Variants in COL10A1 observed in about 807,000 individuals in gnomAD.
COL10A1 encodes collagen alpha-1(X) chain.
Under a neutral mutation model 18.2 loss-of-function variants are expected in COL10A1, and 10 were observed. The observed-to-expected ratio is 0.55, with a 90% CI of 0.34 to 0.93. The LOEUF (loss-of-function observed/expected upper bound fraction) is 0.93. Ranked by LOEUF, COL10A1 falls within the 40% of genes least tolerant of loss-of-function variation. The probability of loss-of-function intolerance (pLI) is 0.02; values close to 1 mark genes in which losing one functional copy is unlikely to be tolerated. For synonymous variants in COL10A1, 330 were observed against 316.6 expected (o/e 1.04, Z -0.45); for missense variants, 897 against 853.5 (o/e 1.05, Z -0.64).
chr6:116,119,368 A>G lies in COL10A1; in HGVS notation c.*705T>C, dbSNP rs539461827. 6.6e-6 allele frequency: 1 copy of G among 152,566 alleles called. No individual in the cohort carries two copies. Among genetic ancestry groups the G allele is most frequent in the Admixed American group, 6.5e-5 (1 of 15,306 alleles). 9.5% of individuals were successfully genotyped at this position (152,566 alleles called of 1,614,324 possible). A position where few individuals can be genotyped will look rare whatever the true frequency, so the allele number is the denominator to read the frequency against. On this transcript the variant is annotated 3_prime_UTR_variant, in exon 3 of 3. Coordinates refer to ENST00000651968, the MANE Select transcript of COL10A1 (RefSeq NM_000493.4). ...CCTGTTTCCAAGTTATGCTGGGTAT[A>G]TAAAAAGCTTCTCTGCAATCATAGA... is the stretch of plus-strand genomic sequence containing the variant.
intron 1 of COL10A1, among the ~76,000 whole-genome samples, chr6:116,143,286 T>C (rs960657999): frequency 2.6e-5 from 4 of 152,066 alleles, no homozygotes; most frequent in Non-Finnish European, 5.9e-5. Flanking sequence ...TTTTGGCTCA[T>C]TGCAACCTCC....
the COL10A1 span, among the ~76,000 whole-genome samples, chr6:116,170,967 T>G: frequency 6.6e-6 from 1 of 152,170 alleles, no homozygotes; most frequent in Non-Finnish European, 1.5e-5. Flanking sequence ...GACCTGCCCA[T>G]TCCTCCTCTG....
upstream of COL10A1, among the ~76,000 whole-genome samples, chr6:116,130,127 A>C (rs1779424701): frequency 1.3e-5 from 2 of 152,126 alleles, no homozygotes; most frequent in Admixed American, 1.3e-4. Flanking sequence ...TTTATTTATT[A>C]GCTAGGATAT....
At chr6:116,143,524 T>G (rs983838771) in intron 1 of COL10A1, among the ~76,000 whole-genome samples, 2 of 152,178 alleles carry the variant, frequency 1.3e-5, no homozygotes, top group Non-Finnish European at 2.9e-5. Context: ...TCCCACCTCT[T>G]TAATTGTTTT....
the COL10A1 span, among the ~76,000 whole-genome samples, chr6:116,172,361 G>T: frequency 8.8e-6 from 1 of 113,796 alleles, no homozygotes; most frequent in East Asian, 2.6e-4. Context: ...TCGCTCTGTT[G>T]CCCAGGCTGG....
the COL10A1 span, among the ~76,000 whole-genome samples, chr6:116,212,842 ATACT>A: frequency 6.6e-6 from 1 of 152,128 alleles, no homozygotes; most frequent in African/African-American, 2.4e-5. Context: ...TTTGCTTTAA[ATACT>A]TGTTAATTTT....
upstream of COL10A1, among the ~76,000 whole-genome samples, chr6:116,129,269 A>C (rs755288126): frequency 1.3e-5 from 2 of 152,230 alleles, no homozygotes; most frequent in African/African-American, 4.8e-5. Context: ...AAACACATAC[A>C]TACATATCCA....
intron 1 of COL10A1, among the ~76,000 whole-genome samples, chr6:116,147,448 G>GA (rs556565182): frequency 3.1e-3 from 436 of 138,854 alleles, no homozygotes; most frequent in Admixed American, 4.9e-3. Context: ...TCTCAAAAAA[G>GA]AAAAAAAAAA....
chr6:116,160,080 G>A (rs1326270409), upstream of COL10A1, among the ~76,000 whole-genome samples: 1 of 152,102 alleles, frequency 6.6e-6, no homozygotes, highest in Non-Finnish European at 1.5e-5. Flanking sequence ...AAACATATAA[G>A]TACAGGTATC....
the COL10A1 span, among the ~76,000 whole-genome samples, chr6:116,200,097 A>G: frequency 6.6e-6 from 1 of 151,976 alleles, no homozygotes; most frequent in Non-Finnish European, 1.5e-5. Context: ...AATAGTATAT[A>G]CCCTTAATAT....
chr6:116,136,824 A>T (rs575597199), intron 1 of COL10A1, among the ~76,000 whole-genome samples: 1 of 152,344 alleles, frequency 6.6e-6, no homozygotes, highest in African/African-American at 2.4e-5. Flanking sequence ...TCAGATTCAG[A>T]TACGAAACAG....
intron 1 of COL10A1, among the ~76,000 whole-genome samples, chr6:116,138,883 G>T (rs868566853): frequency 1.3e-5 from 2 of 152,002 alleles, no homozygotes; most frequent in Non-Finnish European, 2.9e-5. Context: ...TCTTGCTTTT[G>T]GTTTGATTTC....
chr6:116,183,580 G>A, the COL10A1 span, among the ~76,000 whole-genome samples: 1 of 151,802 alleles, frequency 6.6e-6, no homozygotes, highest in Non-Finnish European at 1.5e-5. Context: ...GCAATGTTTT[G>A]TAGTTTTCCT....
At chr6:116,122,054 G>A (rs1779148448) in intron 2 of COL10A1, 93 bp from the exon 3 acceptor site, 3 of 1,058,932 alleles carry the variant, frequency 2.8e-6, no homozygotes, top group East Asian at 2.4e-5. Flanking sequence ...ATTGGGACAC[G>A]ATATTTCAGC....
the COL10A1 span, among the ~76,000 whole-genome samples, chr6:116,167,994 T>C: frequency 2.6e-5 from 4 of 152,142 alleles, no homozygotes; most frequent in African/African-American, 9.6e-5. Context: ...TCAGTATAAT[T>C]GTTCTTTAAA....
chr6:116,125,772 G>T (rs942335593), intron 1 of COL10A1: 1 of 316,450 alleles, frequency 3.2e-6, no homozygotes, highest in Non-Finnish European at 6.0e-6. Context: ...AGGATTGGAT[G>T]TCTGTATTAA....
the COL10A1 span, among the ~76,000 whole-genome samples, chr6:116,186,930 G>T: frequency 6.6e-6 from 1 of 151,966 alleles, no homozygotes; most frequent in Non-Finnish European, 1.5e-5. Flanking sequence ...TCTTTTGGGG[G>T]TGTTAACCAT....
upstream of COL10A1, among the ~76,000 whole-genome samples, chr6:116,131,055 A>G (rs978241698): frequency 1.3e-5 from 2 of 152,046 alleles, no homozygotes; most frequent in African/African-American, 4.8e-5. Context: ...GCTCTTTTTA[A>G]ATTTAATTTG....
In COL10A1 at chr6:116,120,375, G is replaced by A. The variant is rs1161571454; in HGVS notation, c.1741C>T (p.His581Tyr). 1.9e-6 allele frequency: 3 copies of A among 1,614,206 alleles called. No individual in the cohort carries two copies. The South Asian group carries it at 3.3e-5, about 18-fold the overall frequency. Residue 581 changes from histidine (H) to tyrosine (Y), a missense_variant, in exon 3 of 3, where the codon CAT becomes TAT. His to Tyr is a moderately conservative substitution (Grantham distance 83). Transcript: ENST00000651968. The part of the protein sequence containing the change: ...FDKILYNRQQ[H>Y]YDPRTGIFTC... The stretch of plus-strand genomic sequence containing the variant: ...AAGATTCCAGTCCTTGGGTCATAAT[G>A]CTGTTGCCTGTTATACAAAATTTTA...
Sources: gnomAD v4.1 joint callset for allele counts (sites outside exome capture counted in the v4.1 genomes callset) on GRCh38, gnomAD v4.1.1 for gene constraint, MANE v1.5 for transcripts, NCBI Gene and HGNC (gene_info 2026-07-23, HGNC 2026-07-21) for gene names.